The following ELFN1 variants were observed in gnomAD, a reference collection of about 807,000 sequenced individuals.
The protein encoded by ELFN1 is extracellular leucine rich repeat and fibronectin type III domain containing 1, also known as protein ELFN1.
ELFN1 carries 6 observed loss-of-function variants against 7.6 expected under a neutral mutation model. That is an observed-to-expected ratio of 0.79 (90% confidence interval 0.43 to 1.56). The LOEUF is 1.56. Ranked by LOEUF, ELFN1 falls within the 40% of genes most tolerant of loss-of-function variation. ELFN1 has a pLI of 0.01. For synonymous variants in ELFN1, 657 were observed against 588.1 expected, an observed-to-expected ratio of 1.12 and a Z score of -1.70; for missense variants, 1,169 against 1,232.2, an observed-to-expected ratio of 0.95 and a Z score of 0.77.
chr7:1,674,991 G>C (rs1778839888), intron 1 of ELFN1, among the ~76,000 whole-genome samples: 1 of 115,900 alleles, frequency 8.6e-6, no homozygotes, highest in Admixed American at 8.2e-5. Context: ...CTTGCAGGCA[G>C]TGGTATCTGG....
intron 1 of ELFN1, among the ~76,000 whole-genome samples, chr7:1,675,177 C>G (rs539121317): frequency 6.6e-6 from 1 of 151,838 alleles, no homozygotes; most frequent in East Asian, 1.9e-4. Flanking sequence ...CCCACTACCC[C>G]CTCTAGGACC....
chr7:1,682,248 A>T (rs1778986874), intron 1 of ELFN1, among the ~76,000 whole-genome samples: 1 of 152,178 alleles, frequency 6.6e-6, no homozygotes, highest in Admixed American at 6.5e-5. Context: ...TAGCTCTTGC[A>T]CTTAGGCCTA....
At position 1,682,858 on chromosome 7, in the gene ELFN1, T is replaced by C. The variant is rs559649037; in HGVS notation, c.-548-5200T>C. On this transcript the variant is annotated intron_variant, in intron 1 of 3. Coordinates refer to ENST00000424383, the MANE Select transcript of ELFN1 (RefSeq NM_001128636.4). Reference sequence around the variant, plus strand: ...ACTGTGGGGTTTCATAGATGGTCTTTATCAGGTTGAGAAGTTCTCTGCCAT... The same window carrying C: ...ACTGTGGGGTTTCATAGATGGTCTTCATCAGGTTGAGAAGTTCTCTGCCAT... Among the ~76,000 whole-genome samples the C allele has an allele frequency of 3.9e-5, 6 of 152,306 alleles. No individual in the cohort carries two copies. In the South Asian group the frequency reaches 1.2e-3, roughly 32 times the overall value.
intron 1 of ELFN1, among the ~76,000 whole-genome samples, chr7:1,679,967 G>A (rs190802381): frequency 1.0e-3 from 152 of 152,364 alleles, no homozygotes; most frequent in Non-Finnish European, 1.9e-3. Context: ...GCAGAAGGGG[G>A]CGCGTGTGCC....
At chr7:1,694,010 G>A (rs1364720111) in intron 2 of ELFN1, 2 of 362,806 alleles carry the variant, frequency 5.5e-6, no homozygotes, top group Non-Finnish European at 5.7e-6. Context: ...TCCGTGCACC[G>A]ACGCTTAGAG....
chr7:1,712,369 C>G (rs1313958168), intron 3 of ELFN1, among the ~76,000 whole-genome samples: 1 of 151,830 alleles, frequency 6.6e-6, no homozygotes, highest in Non-Finnish European at 1.5e-5. Flanking sequence ...ATCTGCCCGC[C>G]TCGGCCTCCC....
chr7:1,733,195 C>A (rs1325560735), intron 3 of ELFN1, among the ~76,000 whole-genome samples: 1 of 152,208 alleles, frequency 6.6e-6, no homozygotes. Flanking sequence ...GCCACCGCAC[C>A]CAGCCCACAT....
intron 3 of ELFN1, among the ~76,000 whole-genome samples, chr7:1,721,225 C>A (rs947145157): frequency 6.6e-6 from 1 of 152,198 alleles, no homozygotes; most frequent in Non-Finnish European, 1.5e-5. Context: ...TGATCACTCA[C>A]TCACCCTCCT....
intron 3 of ELFN1, among the ~76,000 whole-genome samples, chr7:1,720,430 A>T (rs1779983690): frequency 6.6e-6 from 1 of 152,206 alleles, no homozygotes; most frequent in Non-Finnish European, 1.5e-5. Context: ...AACAAGCCTC[A>T]GGAATGGGTC....
chr7:1,719,743 C>G (rs1006556937), intron 3 of ELFN1, among the ~76,000 whole-genome samples: 1 of 152,230 alleles, frequency 6.6e-6, no homozygotes, highest in Non-Finnish European at 1.5e-5. Flanking sequence ...GCACTGGGAT[C>G]AGGCCAGGAG....
At chr7:1,685,139 C>A (rs1779041581) in intron 1 of ELFN1, among the ~76,000 whole-genome samples, 1 of 152,002 alleles carries the variant, frequency 6.6e-6, no homozygotes, top group Admixed American at 6.6e-5. Flanking sequence ...TTTGAATATG[C>A]CATTCCACCA....
chr7:1,723,022 C>A (rs1368647917), intron 3 of ELFN1, among the ~76,000 whole-genome samples: 3 of 152,066 alleles, frequency 2.0e-5, no homozygotes, highest in Non-Finnish European at 2.9e-5. Context: ...TGGTGAAACC[C>A]CATCTCTACT....
chr7:1,681,424 T>C (rs1778973653), intron 1 of ELFN1, among the ~76,000 whole-genome samples: 1 of 152,090 alleles, frequency 6.6e-6, no homozygotes, highest in South Asian at 2.1e-4. Context: ...GTGCACTGGC[T>C]TAATCTTGGC....
intron 2 of ELFN1, among the ~76,000 whole-genome samples, chr7:1,700,885 G>A (rs754981034): frequency 2.6e-5 from 4 of 152,192 alleles, no homozygotes; most frequent in Admixed American, 6.5e-5. Context: ...GTTTTTGGCC[G>A]TGTGGATGCC....
At chr7:1,683,970 G>C (rs920392607) in intron 1 of ELFN1, among the ~76,000 whole-genome samples, 2 of 152,148 alleles carry the variant, frequency 1.3e-5, no homozygotes, top group Admixed American at 1.3e-4. Context: ...GAAGCATAGG[G>C]AGACCCTGTC....
chr7:1,744,851 C>T lies in ELFN1; in HGVS notation c.255C>T (p.Asn85=). 6.4e-7 allele frequency: 1 copy of T among 1,574,260 alleles called. No individual in the cohort carries two copies. Among genetic ancestry groups the T allele is most frequent in the Non-Finnish European group, 8.6e-7 (1 of 1,159,030 alleles). The change falls in exon 4 of 4, where the codon AAC becomes AAT. Residue 85 remains asparagine (N), a synonymous_variant. Coordinates refer to ENST00000424383, the MANE Select transcript of ELFN1 (RefSeq NM_001128636.4). ...VQYASLSRFG[N]LTYLNLTKNE... is the part of the protein sequence containing the mutation. Reference sequence around the variant, plus strand: ...ACGCCTCGCTCAGCCGCTTTGGCAACCTCACGTACCTCAACCTCACCAAGA... The same window carrying T: ...ACGCCTCGCTCAGCCGCTTTGGCAATCTCACGTACCTCAACCTCACCAAGA...
At chr7:1,713,545 T>G (rs1010008976) in intron 3 of ELFN1, among the ~76,000 whole-genome samples, 1 of 152,184 alleles carries the variant, frequency 6.6e-6, no homozygotes, top group Non-Finnish European at 1.5e-5. Flanking sequence ...CAGGCAGTGA[T>G]TGAGAGTTTA....
At chr7:1,679,740 A>G (rs1409261736) in intron 1 of ELFN1, among the ~76,000 whole-genome samples, 1 of 152,158 alleles carries the variant, frequency 6.6e-6, no homozygotes, top group African/African-American at 2.4e-5. Context: ...GCTCAGAATG[A>G]GGGTCCCTTC....
chr7:1,676,809 G>A (rs150867858), intron 1 of ELFN1, among the ~76,000 whole-genome samples: 51 of 152,352 alleles, frequency 3.3e-4, no homozygotes, highest in Non-Finnish European at 5.6e-4. Context: ...CCCAGGGTCC[G>A]GGCTGCTCCT....
Sources: gnomAD v4.1 joint callset for allele counts (sites outside exome capture counted in the v4.1 genomes callset) on GRCh38, gnomAD v4.1.1 for gene constraint, MANE v1.5 for transcripts, NCBI Gene and HGNC (gene_info 2026-07-23, HGNC 2026-07-21) for gene names.